Variants in ITPK1 observed in about 807,000 individuals in gnomAD.
The protein encoded by ITPK1 is inositol 1,3,4-trisphosphate 5/6-kinase.
In ITPK1, 21 loss-of-function variants were observed where a neutral mutation model predicts 45.3. The ratio of observed to expected loss-of-function variants is 0.46; its 90% confidence interval spans 0.33 to 0.67. The LOEUF (loss-of-function observed/expected upper bound fraction) is 0.67, where lower values mean the gene tolerates loss of function less well. ITPK1 is among the 30% of genes least tolerant of loss of function. ITPK1 has a pLI of 0.02. For missense variants in ITPK1, 474 were observed against 573.5 expected (o/e 0.83, Z 1.77); for synonymous variants, 258 against 253.6 (o/e 1.02, Z -0.16).
Position 93,047,616 on chromosome 14 carries a change from G to A in ITPK1, c.120+28979C>T, listed in dbSNP as rs75364119. On this transcript the variant is annotated intron_variant, in intron 3 of 10. Transcript: ENST00000267615. ...ATGAGAAGCTGGCAGAGGCAAGGAA[G>A]GCTCCTCCCTTCGGGGCTTCAGACG... Among the ~76,000 whole-genome samples, 637 of 152,370 alleles carry A rather than the reference G, an allele frequency of 4.2e-3. 3 individuals are homozygous for A. The highest frequency in any genetic ancestry group is 0.015 in the African/African-American group (603 of 41,586).
At chr14:92,963,982 G>A (rs2139745972) in intron 5 of ITPK1, among the ~76,000 whole-genome samples, 1 of 152,288 alleles carries the variant, frequency 6.6e-6, no homozygotes, top group Non-Finnish European at 1.5e-5. Flanking sequence ...AGACTGTCTC[G>A]AGCTGCTAGC....
rs112052236 is a variant in ITPK1, at chr14:92,977,578, C to A, written c.365-14729G>T. On this transcript the variant is annotated intron_variant, in intron 5 of 10. Coordinates refer to ENST00000267615, the MANE Select transcript of ITPK1 (RefSeq NM_014216.6). Reference sequence around the variant, plus strand: ...AGGACCTGGTGAAAGGTGACTAGATCATGGGGGTGGATTTCCCCCTCGCTG... The same window carrying A: ...AGGACCTGGTGAAAGGTGACTAGATAATGGGGGTGGATTTCCCCCTCGCTG... Among the ~76,000 whole-genome samples the A allele has an allele frequency of 1.1e-3, 171 of 149,660 alleles. 2 individuals carry two copies. Among genetic ancestry groups the A allele is most frequent in the Non-Finnish European group, 2.1e-3 (146 of 68,028 alleles).
rs779763729 is a variant in ITPK1 at position 93,076,464 on chromosome 14, A to C, written c.120+131T>G. 5.0e-6 allele frequency: 5 copies of C among 998,190 alleles called. No homozygotes were observed. Among genetic ancestry groups the C allele is most frequent in the Non-Finnish European group, 7.7e-6 (5 of 649,876 alleles). 61.8% of individuals were successfully genotyped at this position (998,190 alleles called of 1,614,324 possible). A position where few individuals can be genotyped will look rare whatever the true frequency, so the allele number is the denominator to read the frequency against. On this transcript the variant is annotated intron_variant, in intron 3 of 10. Coordinates refer to ENST00000267615, the MANE Select transcript of ITPK1 (RefSeq NM_014216.6). The surrounding 1 kb of genome is among the most constrained non-coding windows in gnomAD (Gnocchi z 4.3). Reference sequence around the variant, plus strand: ...AGAAACCACATCAAATCCACAGGGGAGCTAAAAACAAGCTGCACGTGAAGA... The same window carrying C: ...AGAAACCACATCAAATCCACAGGGGCGCTAAAAACAAGCTGCACGTGAAGA...
intron 2 of ITPK1, among the ~76,000 whole-genome samples, chr14:93,105,214 G>C (rs1892473524): frequency 6.6e-6 from 1 of 152,162 alleles, no homozygotes; most frequent in Non-Finnish European, 1.5e-5. Context: ...AGTGAGCTCA[G>C]GGTACAGAGA....
chr14:93,035,715 T>C (rs1391553567), intron 3 of ITPK1, among the ~76,000 whole-genome samples: 1 of 152,210 alleles, frequency 6.6e-6, no homozygotes, highest in Admixed American at 6.5e-5. Flanking sequence ...ACCATGGCTG[T>C]CCAGGGCCTG....
At chr14:92,962,282 C>T (rs1885114902) in intron 7 of ITPK1, 73 bp downstream of exon 7, 2 of 1,108,424 alleles carry the variant, frequency 1.8e-6, no homozygotes, top group Non-Finnish European at 2.8e-6. Flanking sequence ...AGGAATCCGG[C>T]AGGGTAGCAG....
At chr14:92,965,245 A>C (rs750287126) in intron 5 of ITPK1, among the ~76,000 whole-genome samples, 1 of 152,264 alleles carries the variant, frequency 6.6e-6, no homozygotes, top group Non-Finnish European at 1.5e-5. Context: ...GCAATACACC[A>C]TATCAATAGA....
At chr14:92,951,376 A>T (rs1887946530) in intron 9 of ITPK1, among the ~76,000 whole-genome samples, 2 of 152,184 alleles carry the variant, frequency 1.3e-5, no homozygotes, top group African/African-American at 4.8e-5. Flanking sequence ...CAGCCTTGTG[A>T]ACGTGCAAAG....
At chr14:93,074,452 G>A (rs969771020) in intron 3 of ITPK1, among the ~76,000 whole-genome samples, 1 of 152,150 alleles carries the variant, frequency 6.6e-6, no homozygotes, top group African/African-American at 2.4e-5. Context: ...TCCTCTCCTC[G>A]AGCGGTGGGG....
chr14:92,970,370 C>T (rs1043810827), intron 5 of ITPK1, among the ~76,000 whole-genome samples: 6 of 152,174 alleles, frequency 3.9e-5, no homozygotes, highest in African/African-American at 1.2e-4. Flanking sequence ...AGGCACCCAG[C>T]GGGGGATGCC....
intron 2 of ITPK1, among the ~76,000 whole-genome samples, chr14:93,106,743 C>G (rs1370765602): frequency 6.6e-6 from 1 of 152,120 alleles, no homozygotes; most frequent in African/African-American, 2.4e-5. Flanking sequence ...CGGCAAGGAC[C>G]AGCACCCAGC....
chr14:93,102,086 C>T (rs1566787066), intron 2 of ITPK1, among the ~76,000 whole-genome samples: 1 of 152,272 alleles, frequency 6.6e-6, no homozygotes, highest in African/African-American at 2.4e-5. Context: ...TCCCCTGCCC[C>T]TAACCCTCCA....
chr14:93,084,353 G>A (rs954551488), intron 2 of ITPK1, among the ~76,000 whole-genome samples: 18 of 152,202 alleles, frequency 1.2e-4, no homozygotes, highest in Admixed American at 3.3e-4. Flanking sequence ...TTGTCACACC[G>A]AGGAAAGTGC....
intron 10 of ITPK1, among the ~76,000 whole-genome samples, chr14:92,944,070 G>A (rs112118992): frequency 0.097 from 14,701 of 152,226 alleles, 904 homozygotes; most frequent in East Asian, 0.23. Flanking sequence ...GAAGTGAGGC[G>A]TCGGGGCAGG....
intron 5 of ITPK1, among the ~76,000 whole-genome samples, chr14:92,964,554 C>T (rs1885247305): frequency 6.6e-6 from 1 of 152,248 alleles, no homozygotes; most frequent in Non-Finnish European, 1.5e-5. Context: ...TGCAAACACA[C>T]CGCCCCTGCA....
At chr14:93,023,253 C>T (rs1184478996) in intron 3 of ITPK1, among the ~76,000 whole-genome samples, 1 of 152,186 alleles carries the variant, frequency 6.6e-6, no homozygotes, top group Non-Finnish European at 1.5e-5. Context: ...TCATGTGACT[C>T]GTTCTGGCCA....
chr14:93,019,048 G>A (rs1267168809), intron 3 of ITPK1, among the ~76,000 whole-genome samples: 1 of 152,210 alleles, frequency 6.6e-6, no homozygotes, highest in Non-Finnish European at 1.5e-5. Context: ...CTGAAGGAAG[G>A]TAGAGAGGCC....
intron 2 of ITPK1, among the ~76,000 whole-genome samples, chr14:93,082,910 C>T (rs1027384820): frequency 3.3e-5 from 5 of 152,192 alleles, no homozygotes; most frequent in Admixed American, 6.5e-5. Context: ...CAGACCCGGC[C>T]GCAGTGGGGC....
intron 2 of ITPK1, among the ~76,000 whole-genome samples, chr14:93,099,581 C>T (rs1017092092): frequency 6.6e-6 from 1 of 152,172 alleles, no homozygotes; most frequent in East Asian, 1.9e-4. Context: ...CTGCTGGGCG[C>T]AGCCAGGACT....
Sources: gnomAD v4.1 joint callset for allele counts (sites outside exome capture counted in the v4.1 genomes callset) on GRCh38, gnomAD v4.1.1 for gene constraint, Gnocchi (gnomAD v3.1) non-coding constraint, MANE v1.5 for transcripts, NCBI Gene and HGNC (gene_info 2026-07-23, HGNC 2026-07-21) for gene names.